Variants in WWOX observed in about 807,000 individuals in gnomAD.
WWOX encodes WW domain containing oxidoreductase.
A neutral mutation model predicts 46.2 loss-of-function variants in WWOX; 69 were observed. The ratio of observed to expected loss-of-function variants is 1.49; its 90% CI spans 1.23 to 1.82. WWOX has a LOEUF of 1.82. WWOX is among the 40% of genes most tolerant of loss of function. The probability of loss-of-function intolerance (pLI) is 0.00; values close to 1 mark genes in which losing one functional copy is unlikely to be tolerated. For missense variants in WWOX, 919 were observed against 542.6 expected (o/e 1.69, Z -6.89); for synonymous variants, 359 against 202.6 (o/e 1.77, Z -6.56).
intron 5 of WWOX, among the ~76,000 whole-genome samples, chr16:78,235,194 G>A (rs2037394571): frequency 1.3e-5 from 2 of 152,188 alleles, no homozygotes; most frequent in African/African-American, 4.8e-5. Context: ...AAGGGGCCTT[G>A]CCATGCTTCC....
intron 8 of WWOX, among the ~76,000 whole-genome samples, chr16:78,583,773 G>A (rs944663628): frequency 2.0e-5 from 3 of 152,216 alleles, no homozygotes; most frequent in African/African-American, 7.2e-5. Context: ...AAAATCAGGA[G>A]CCAAGGGCGA....
At chr16:78,914,119 G>C (rs899443468) in intron 8 of WWOX, among the ~76,000 whole-genome samples, 1 of 152,066 alleles carries the variant, frequency 6.6e-6, no homozygotes, top group Middle Eastern at 3.2e-3. Context: ...CCTCACAGGA[G>C]TCTTTCCTGG....
At position 78,346,881 on chromosome 16, in the gene WWOX, T is replaced by C. The variant is rs1475496320; in HGVS notation, c.517-39979T>C. ...TACCATGCCTGGCTAATTTTTGTGT[T>C]GTTTTATTTTTATTTTATTTTTTTA... On this transcript the variant is annotated intron_variant, in intron 5 of 8. Transcript: ENST00000566780. 2.6e-5 allele frequency among the ~76,000 whole-genome samples: 3 copies of C among 117,332 alleles called. 1 individual carries two copies. The highest frequency in any genetic ancestry group is 8.7e-5 in the African/African-American group (3 of 34,322). 77.0% of individuals were successfully genotyped at this position (117,332 alleles called of 152,430 possible).
At chr16:78,147,400 G>A (rs894770491) in intron 4 of WWOX, among the ~76,000 whole-genome samples, 1 of 152,122 alleles carries the variant, frequency 6.6e-6, no homozygotes, top group South Asian at 2.1e-4. Flanking sequence ...AACTCTGGCC[G>A]TTGATGTAGC....
intron 4 of WWOX, among the ~76,000 whole-genome samples, chr16:78,148,089 G>A (rs11648121): frequency 0.19 from 29,062 of 152,086 alleles, 2,730 homozygotes; most frequent in East Asian, 0.22. Flanking sequence ...AATGAGACAC[G>A]TTCAGTAATA....
intron 8 of WWOX, among the ~76,000 whole-genome samples, chr16:79,025,143 T>A (rs1026579397): frequency 2.5e-4 from 38 of 152,056 alleles, no homozygotes; most frequent in Non-Finnish European, 4.4e-5. Context: ...TGTTTTGTTT[T>A]GCTTGTTGAG....
At chr16:78,755,208 A>C (rs895428762) in intron 8 of WWOX, among the ~76,000 whole-genome samples, 4 of 148,930 alleles carry the variant, frequency 2.7e-5, no homozygotes, top group African/African-American at 9.9e-5. Flanking sequence ...CAGAACTTAA[A>C]GTGAAAGGAA....
At chr16:78,508,344 G>A (rs567505273) in intron 8 of WWOX, among the ~76,000 whole-genome samples, 63 of 83,036 alleles carry the variant, frequency 7.6e-4, no homozygotes, top group Non-Finnish European at 1.1e-3. Flanking sequence ...TTTTTTTAAC[G>A]CTCATCAGCT....
At chr16:79,188,363 C>T (rs998646943) in intron 8 of WWOX, among the ~76,000 whole-genome samples, 9 of 149,112 alleles carry the variant, frequency 6.0e-5, no homozygotes, top group Non-Finnish European at 3.0e-5. Flanking sequence ...GACCTATTTC[C>T]CTTGCAAATG....
At chr16:78,577,735 C>T (rs1054186211) in intron 8 of WWOX, among the ~76,000 whole-genome samples, 1 of 152,134 alleles carries the variant, frequency 6.6e-6, no homozygotes, top group Non-Finnish European at 1.5e-5. Flanking sequence ...TCTATTTGAC[C>T]ACATCTTCCT....
chr16:78,594,611 G>T (rs2045439391), intron 8 of WWOX, among the ~76,000 whole-genome samples: 2 of 152,000 alleles, frequency 1.3e-5, no homozygotes, highest in Admixed American at 6.6e-5. Flanking sequence ...TTTCCTGGTT[G>T]TTTCCAGAAA....
chr16:78,337,317 G>C (rs2080915224), intron 5 of WWOX, among the ~76,000 whole-genome samples: 1 of 152,104 alleles, frequency 6.6e-6, no homozygotes, highest in African/African-American at 2.4e-5. Context: ...CAAAGTAATT[G>C]AGTATATAGT....
Position 78,578,254 on chromosome 16 carries a change from TTATATA to T in WWOX, c.1056+145528_1056+145533del, listed in dbSNP as rs1194130355. 5.1e-3 allele frequency among the ~76,000 whole-genome samples: 160 copies of T among 31,616 alleles called. 5 individuals are homozygous for T. Among genetic ancestry groups the T allele is most frequent in the East Asian group, 0.017 (15 of 890 alleles). The allele number at this position is 31,616 out of a possible 152,430, so 20.7% of individuals were successfully genotyped here. A position where few individuals can be genotyped will look rare whatever the true frequency, so the allele number is the denominator to read the frequency against. ...TACAAATATATGTGCATACCAAATTTTATATATATATATATATATATATATATATAT... is the reference window on the plus strand; with the variant it reads ...TACAAATATATGTGCATACCAAATTTTATATATATATATATATATATATAT... On this transcript the variant is annotated intron_variant, in intron 8 of 8. Coordinates refer to ENST00000566780, the MANE Select transcript of WWOX (RefSeq NM_016373.4).
intron 8 of WWOX, among the ~76,000 whole-genome samples, chr16:78,863,544 G>T (rs1176147404): frequency 1.3e-5 from 2 of 152,132 alleles, no homozygotes; most frequent in East Asian, 3.9e-4. Context: ...AGTAGTCCTC[G>T]TGATCTTTCG....
chr16:78,680,690 G>C (rs1034628513), intron 8 of WWOX, among the ~76,000 whole-genome samples: 1 of 152,218 alleles, frequency 6.6e-6, no homozygotes, highest in Non-Finnish European at 1.5e-5. Flanking sequence ...GACACATCTA[G>C]TGGCTCCCAC....
chr16:78,486,235 G>C (rs1002841561), intron 8 of WWOX, among the ~76,000 whole-genome samples: 2 of 152,096 alleles, frequency 1.3e-5, no homozygotes, highest in Non-Finnish European at 2.9e-5. Flanking sequence ...GTTGCAGCTT[G>C]GAACTTGGAG....
Position 78,411,860 on chromosome 16 carries a change from A to T in WWOX, c.606-13010A>T, listed in dbSNP as rs578031592. ...GCCTGGGATGGGGATTCTTGTTCCT[A>T]TGATCGATTAGGGGACTGTTCCCAG... is the stretch of plus-strand genomic sequence containing the variant. On this transcript the variant is annotated intron_variant, in intron 6 of 8. Coordinates refer to ENST00000566780, the MANE Select transcript of WWOX (RefSeq NM_016373.4). Among the ~76,000 whole-genome samples, 6 of 152,274 alleles carry T rather than the reference A, an allele frequency of 3.9e-5. No homozygotes were observed. The East Asian group carries it at 9.7e-4, about 25-fold the overall frequency.
intron 5 of WWOX, among the ~76,000 whole-genome samples, chr16:78,306,699 A>C (rs2080140078): frequency 6.6e-6 from 1 of 151,358 alleles, no homozygotes; most frequent in South Asian, 2.1e-4. Context: ...ATGCCTTCCC[A>C]CAATTCCCTG....
chr16:78,524,408 G>GTTTA (rs751207225), intron 8 of WWOX, among the ~76,000 whole-genome samples: 645 of 122,000 alleles, frequency 5.3e-3, no homozygotes, highest in Non-Finnish European at 8.1e-3. Flanking sequence ...TTATTTATTT[G>GTTTA]TTTATTTATT....
Sources: gnomAD v4.1 joint callset for allele counts (sites outside exome capture counted in the v4.1 genomes callset) on GRCh38, gnomAD v4.1.1 for gene constraint, MANE v1.5 for transcripts, NCBI Gene and HGNC (gene_info 2026-07-23, HGNC 2026-07-21) for gene names.